Variants in PTGS1 observed in about 807,000 individuals in gnomAD.
PTGS1 encodes prostaglandin-endoperoxide synthase 1, also known as prostaglandin G/H synthase 1.
PTGS1 carries 40 observed loss-of-function variants against 63.0 expected under a neutral mutation model. That is an observed-to-expected ratio of 0.63 (90% CI 0.49 to 0.83). The LOEUF (loss-of-function observed/expected upper bound fraction) is 0.83. PTGS1 is among the 40% of genes least tolerant of loss of function. The pLI is 0.00. For missense variants in PTGS1, 709 were observed against 786.5 expected, an observed-to-expected ratio of 0.90 and a Z score of 1.18; for synonymous variants, 298 against 301.9, an observed-to-expected ratio of 0.99 and a Z score of 0.13.
chr9:122,386,224 C>T (rs372219054), intron 8 of PTGS1, among the ~76,000 whole-genome samples: 3 of 152,110 alleles, frequency 2.0e-5, no homozygotes, highest in East Asian at 1.9e-4. Flanking sequence ...ATTGCTTGAG[C>T]CCGGGAAAGT....
At position 122,393,781 on chromosome 9, in the gene PTGS1, C is replaced by T. The variant is rs1477259341; in HGVS notation, c.*1237C>T. On this transcript the variant is annotated 3_prime_UTR_variant, in exon 11 of 11. Coordinates refer to ENST00000362012, the MANE Select transcript of PTGS1 (RefSeq NM_000962.4). ...ACGCAGGCTGAGTCCAGAGCTTGTG[C>T]TCCTCTTGATTCCTGGTTTGACTCA... The T allele has an allele frequency of 3.9e-5, 6 of 152,258 alleles. No homozygotes were observed. The East Asian group carries it at 1.2e-3, about 29-fold the overall frequency. The allele number at this position is 152,258 out of a possible 1,614,324, so 9.4% of individuals were successfully genotyped here. A position where few individuals can be genotyped will look rare whatever the true frequency, so the allele number is the denominator to read the frequency against.
At chr9:122,391,456 T>G (rs1838281362) in intron 10 of PTGS1, among the ~76,000 whole-genome samples, 1 of 141,252 alleles carries the variant, frequency 7.1e-6, no homozygotes, top group Non-Finnish European at 1.5e-5. Flanking sequence ...TTTCCCCCAA[T>G]ATCCTCAGAT....
rs549241107 is a variant in PTGS1, at chr9:122,377,231, G to A, written c.95-668G>A. ...CTTAGACTTGGCTGCTGAGGCTGTG[G>A]GGGTGGAGTGGAAGTGAAGGGATGG... is the stretch of plus-strand genomic sequence containing the variant. On this transcript the variant is annotated intron_variant, in intron 2 of 10. Transcript: ENST00000362012. 6.6e-5 allele frequency among the ~76,000 whole-genome samples: 10 copies of A among 152,324 alleles called. No individual in the cohort carries two copies. The East Asian group carries it at 1.7e-3, about 26-fold the overall frequency.
At position 122,395,049 on chromosome 9, in the gene PTGS1, G is replaced by C. The variant is rs200744357; in HGVS notation, c.*2505G>C. ...CTCGAGAAGGGTGGATGACAGGGCA[G>C]AGCAGGAAGGACAGGAAGCTGGCAG... On this transcript the variant is annotated 3_prime_UTR_variant, in exon 11 of 11. Transcript: ENST00000362012. 6.6e-6 allele frequency: 1 copy of C among 152,382 alleles called. No individual in the cohort carries two copies. The highest frequency in any genetic ancestry group is 2.1e-4 in the South Asian group (1 of 4,826). 9.4% of individuals were successfully genotyped at this position (152,382 alleles called of 1,614,324 possible).
rs199573085 is a variant in PTGS1 at position 122,394,687 on chromosome 9, T to A, written c.*2143T>A. 1 of 152,140 alleles carries A rather than the reference T, an allele frequency of 6.6e-6. No homozygotes were observed. Among genetic ancestry groups the A allele is most frequent in the Non-Finnish European group, 1.5e-5 (1 of 68,054 alleles). The allele number at this position is 152,140 out of a possible 1,614,324, so 9.4% of individuals were successfully genotyped here. ...GGGCCTGTGAATCAATCCTGGGCAATCAGACACCCTCTCCTTAAAAACTGG... is the reference window on the plus strand; with the variant it reads ...GGGCCTGTGAATCAATCCTGGGCAAACAGACACCCTCTCCTTAAAAACTGG... On this transcript the variant is annotated 3_prime_UTR_variant, in exon 11 of 11. Coordinates refer to ENST00000362012, the MANE Select transcript of PTGS1 (RefSeq NM_000962.4).
At chr9:122,387,680 G>A (rs901535118) in intron 9 of PTGS1, among the ~76,000 whole-genome samples, 2 of 152,152 alleles carry the variant, frequency 1.3e-5, no homozygotes. Context: ...TTGAACCTCT[G>A]GTCTCCAGAC....
intron 5 of PTGS1, among the ~76,000 whole-genome samples, chr9:122,379,812 A>G (rs1467758026): frequency 6.6e-6 from 1 of 151,958 alleles, no homozygotes; most frequent in Non-Finnish European, 1.5e-5. Flanking sequence ...GGTACTTGAT[A>G]TTTTTTCCTG....
chr9:122,370,619 T>G, upstream of PTGS1: 1 of 207,480 alleles, frequency 4.8e-6, no homozygotes, highest in Non-Finnish European at 9.8e-6. Flanking sequence ...GACTGCCCTG[T>G]TTCTAGCCCC....
chr9:122,392,416 G>C lies in PTGS1; in HGVS notation c.1672G>C (p.Val558Leu). ...TFGGEVGFNI[V>L]KTATLKKLVC... ...TGGCGGCGAGGTGGGCTTTAACATTGTCAAGACGGCCACACTGAAGAAGCT... is the reference window on the plus strand; with the variant it reads ...TGGCGGCGAGGTGGGCTTTAACATTCTCAAGACGGCCACACTGAAGAAGCT... The change falls in exon 11 of 11, where the codon GTC (valine) becomes CTC (leucine). Residue 558 changes from valine to leucine, a missense_variant. By Grantham distance (32) the Val-to-Leu change is conservative. Transcript: ENST00000362012. 6.2e-7 allele frequency: 1 copy of C among 1,614,126 alleles called. No individual in the cohort carries two copies. Among genetic ancestry groups the C allele is most frequent in the South Asian group, 1.1e-5 (1 of 91,072 alleles).
In PTGS1 at chr9:122,392,736, A is replaced by C; in HGVS notation, c.*192A>C. On this transcript the variant is annotated 3_prime_UTR_variant, in exon 11 of 11. Transcript: ENST00000362012. ...TCTGTTTATTCTTCCAGAATGCTGAACTCCTTGTTAGCCCTTCAGATTGTT... is the reference window on the plus strand; with the variant it reads ...TCTGTTTATTCTTCCAGAATGCTGACCTCCTTGTTAGCCCTTCAGATTGTT... 1 of 560,032 alleles carries C rather than the reference A, an allele frequency of 1.8e-6. No homozygotes were observed. The highest frequency in any genetic ancestry group is 2.8e-5 in the South Asian group (1 of 35,200). 34.7% of individuals were successfully genotyped at this position (560,032 alleles called of 1,614,324 possible).
At position 122,378,777 on chromosome 9, in the gene PTGS1, C is replaced by A. The variant is rs117122585; in HGVS notation, c.355C>A (p.Arg119Ser). Residue 119 changes from arginine (R) to serine (S), a missense_variant and splice_region_variant, in exon 5 of 11, where the codon CGC (arginine) becomes AGC (serine). Coordinates refer to ENST00000362012, the MANE Select transcript of PTGS1 (RefSeq NM_000962.4). ...EMLMRLVLTV[R>S]SNLIPSPPTY... ...ACCGTTATTTTTGCTCTCTGCAGTGCGCTCCAACCTTATCCCCAGTCCCCC... is the reference window on the plus strand; with the variant it reads ...ACCGTTATTTTTGCTCTCTGCAGTGAGCTCCAACCTTATCCCCAGTCCCCC... 3.1e-6 allele frequency: 5 copies of A among 1,614,154 alleles called. No homozygotes were observed. The highest frequency in any genetic ancestry group is 4.2e-6 in the Non-Finnish European group (5 of 1,179,996).
At position 122,390,296 on chromosome 9, in the gene PTGS1, C is replaced by T. The variant is rs1838133472; in HGVS notation, c.1395C>T (p.Tyr465=). ...TGCGGCTGCAGCCCTTCAATGAGTA[C>T]CGCAAGAGGTTTGGCATGAAACCCT... ...REMRLQPFNE[Y]RKRFGMKPYT... Residue 465 remains tyrosine (Y), a synonymous_variant, in exon 10 of 11, where the codon TAC becomes TAT. Coordinates refer to ENST00000362012, the MANE Select transcript of PTGS1 (RefSeq NM_000962.4). 6.2e-7 allele frequency: 1 copy of T among 1,614,176 alleles called. No individual in the cohort carries two copies. The highest frequency in any genetic ancestry group is 8.5e-7 in the Non-Finnish European group (1 of 1,180,018).
At chr9:122,391,374 T>TATAC (rs1564147306) in intron 10 of PTGS1, among the ~76,000 whole-genome samples, 2,202 of 81,424 alleles carry the variant, frequency 0.027, 24 homozygotes, top group East Asian at 0.076. Context: ...TATATATACA[T>TATAC]ATATATATAT....
rs942415827 is a variant in PTGS1 at position 122,371,291 on chromosome 9, C to T, written c.94+19C>T. The T allele has an allele frequency of 2.4e-5, 38 of 1,601,808 alleles. No individual in the cohort carries two copies. The highest frequency in any genetic ancestry group is 3.1e-5 in the Non-Finnish European group (36 of 1,179,856). On this transcript the variant is annotated intron_variant, in intron 2 of 10. Transcript: ENST00000362012. ...ACGCCAGGTAGGCGGCCCCATCCCT[C>T]CCCAAGGGAATCCCCGGTCTTGCGC...
intron 8 of PTGS1, among the ~76,000 whole-genome samples, chr9:122,384,288 A>G (rs1837733267): frequency 1.3e-5 from 2 of 152,126 alleles, no homozygotes; most frequent in Admixed American, 1.3e-4. Context: ...AAAATGTCAG[A>G]TGGTTTCCTG....
chr9:122,385,276 C>T (rs1485849756), intron 8 of PTGS1, among the ~76,000 whole-genome samples: 1 of 152,082 alleles, frequency 6.6e-6, no homozygotes, highest in East Asian at 1.9e-4. Context: ...ATTATTATAA[C>T]ACACATTTTA....
chr9:122,383,036 C>T (rs1383115799), intron 7 of PTGS1, among the ~76,000 whole-genome samples: 1 of 152,120 alleles, frequency 6.6e-6, no homozygotes, highest in African/African-American at 2.4e-5. Flanking sequence ...GGAGCGTTTG[C>T]TGAGCCTAGT....
intron 5 of PTGS1, among the ~76,000 whole-genome samples, chr9:122,379,475 G>T (rs1024645983): frequency 1.3e-5 from 2 of 152,182 alleles, no homozygotes; most frequent in African/African-American, 2.4e-5. Context: ...GAGGACAAGA[G>T]AGGCTCATCA....
chr9:122,376,168 G>C (rs1301527017), intron 2 of PTGS1, among the ~76,000 whole-genome samples: 1 of 152,300 alleles, frequency 6.6e-6, no homozygotes, highest in African/African-American at 2.4e-5. Flanking sequence ...GGTACTGCCA[G>C]GCCCTTTCCC....
Sources: allele counts gnomAD v4.1 joint callset (sites outside exome capture counted in the v4.1 genomes callset), GRCh38; gene constraint gnomAD v4.1.1; transcripts MANE v1.5; gene names NCBI Gene and HGNC (gene_info 2026-07-23, HGNC 2026-07-21).